Variants in INF2 observed in about 807,000 individuals in gnomAD.
INF2 encodes inverted formin 2.
A neutral mutation model predicts 123.5 loss-of-function variants in INF2; 43 were observed. The observed-to-expected ratio is 0.35, with a 90% CI of 0.27 to 0.45. The LOEUF (loss-of-function observed/expected upper bound fraction) is 0.45, where lower values mean the gene tolerates loss of function less well. INF2 is among the 20% of genes least tolerant of loss of function. INF2 has a pLI of 1.00. For missense variants in INF2, 1,453 were observed against 1,682.7 expected (o/e 0.86, Z 2.39); for synonymous variants, 851 against 745.0 (o/e 1.14, Z -2.32).
chr14:104,694,273 G>A (rs546299702), intron 1 of INF2, among the ~76,000 whole-genome samples: 2 of 152,380 alleles, frequency 1.3e-5, no homozygotes, highest in Admixed American at 1.3e-4. Flanking sequence ...TCCAGAATGG[G>A]CCTGGCTGTC....
intron 1 of INF2, among the ~76,000 whole-genome samples, chr14:104,696,680 G>A (rs753958508): frequency 3.3e-5 from 5 of 152,136 alleles, no homozygotes; most frequent in African/African-American, 9.7e-5. Context: ...TGCCAGGAAC[G>A]CGTGCAGTCC....
chr14:104,719,692 C>G lies in INF2; in HGVS notation c.*899C>G, dbSNP rs1890477131. 7.0e-6 allele frequency: 1 copy of G among 142,636 alleles called. No homozygotes were observed. The highest frequency in any genetic ancestry group is 2.1e-4 in the South Asian group (1 of 4,804). 8.8% of individuals were successfully genotyped at this position (142,636 alleles called of 1,614,324 possible). A position where few individuals can be genotyped will look rare whatever the true frequency, so the allele number is the denominator to read the frequency against. On this transcript the variant is annotated 3_prime_UTR_variant, in exon 23 of 23. Coordinates refer to ENST00000392634, the MANE Select transcript of INF2 (RefSeq NM_022489.4). ...AAACATGGTGAGCGCTGGACAGGCC[C>G]CGTGTGAACACTCACTGTTGAGGGG...
At chr14:104,697,321 G>A (rs569002027) in intron 1 of INF2, among the ~76,000 whole-genome samples, 65 of 152,346 alleles carry the variant, frequency 4.3e-4, no homozygotes, top group African/African-American at 1.4e-3. Flanking sequence ...CAGGTCCCTC[G>A]CGTGCTGGGA....
In INF2 at chr14:104,709,665, A is replaced by G. The variant is rs1199797740; in HGVS notation, c.2098A>G (p.Ser700Gly). 1 of 1,612,714 alleles carries G rather than the reference A, an allele frequency of 6.2e-7. No homozygotes were observed. Among genetic ancestry groups the G allele is most frequent in the South Asian group, 1.1e-5 (1 of 91,092 alleles). Reference protein sequence around the residue: ...AFTEERAKLASADHFYLLLLA... With the variant: ...AFTEERAKLAGADHFYLLLLA... ...CACAGAGGAGCGAGCCAAGCTGGCCAGCGCCGACCACTTCTACCTCCTCCT... is the reference window on the plus strand; with the variant it reads ...CACAGAGGAGCGAGCCAAGCTGGCCGGCGCCGACCACTTCTACCTCCTCCT... Residue 700 changes from serine to glycine, a missense_variant, in exon 12 of 23, where the codon AGC becomes GGC. Transcript: ENST00000392634.
chr14:104,708,124 G>A, intron 8 of INF2, 122 bp downstream of exon 8: 2 of 1,461,360 alleles, frequency 1.4e-6, no homozygotes, highest in Admixed American at 3.8e-5. Flanking sequence ...GGCCAGGGCA[G>A]CCTGGCCCTT....
At chr14:104,717,360 G>A (rs1361207794) in intron 22 of INF2, among the ~76,000 whole-genome samples, 5 of 145,256 alleles carry the variant, frequency 3.4e-5, no homozygotes, top group East Asian at 2.1e-4. Context: ...GTGCGCTGCC[G>A]TCCTCCCAGT....
At chr14:104,710,219 G>A (rs1201301241) in intron 13 of INF2, 31 bp downstream of exon 13, 1 of 1,484,090 alleles carries the variant, frequency 6.7e-7, no homozygotes, top group Admixed American at 2.0e-5. Context: ...CACGTGTGCA[G>A]GAGGGACAGG....
intron 12 of INF2, 133 bp downstream of exon 12, chr14:104,709,838 C>T: frequency 1.2e-6 from 1 of 812,330 alleles, no homozygotes; most frequent in Non-Finnish European, 2.0e-6. Flanking sequence ...AGCAGCATTG[C>T]AGCGGTTGGG....
At chr14:104,715,578 C>T (rs1595181677) in intron 22 of INF2, 1 of 608,174 alleles carries the variant, frequency 1.6e-6, no homozygotes. Flanking sequence ...AACCTCAGTG[C>T]TGGCCCCGGG....
chr14:104,706,243 C>T (rs548931751), intron 6 of INF2, 67 bp downstream of exon 6: 1 of 1,486,432 alleles, frequency 6.7e-7, no homozygotes, highest in Admixed American at 2.0e-5. Context: ...GGTCCAGAGG[C>T]TGGGCCTGGA....
chr14:104,707,838 G>C lies in INF2; in HGVS notation c.1571G>C (p.Cys524Ser), dbSNP rs2140669651. The C allele has an allele frequency of 1.3e-6, 2 of 1,597,514 alleles. No individual in the cohort carries two copies. The highest frequency in any genetic ancestry group is 1.7e-6 in the Non-Finnish European group (2 of 1,175,456). Reference protein sequence around the residue: ...PPPPPPPLLPCTCSPPVAGGM... With the variant: ...PPPPPPPLLPSTCSPPVAGGM... ...CCACCCCCACCTCCACTACTGCCCTGCACCTGCAGCCCCCCCGTGGCGGGA... is the reference window on the plus strand; with the variant it reads ...CCACCCCCACCTCCACTACTGCCCTCCACCTGCAGCCCCCCCGTGGCGGGA... The change falls in exon 8 of 23, where the codon TGC becomes TCC. Residue 524 changes from cysteine (C) to serine (S), a missense_variant. This residue lies in a region of INF2 where 374 missense variants were observed against 303.7 expected (regional missense o/e 1.23). Transcript: ENST00000392634.
At chr14:104,705,292 C>G (rs1004185050) in intron 5 of INF2, among the ~76,000 whole-genome samples, 1 of 152,186 alleles carries the variant, frequency 6.6e-6, no homozygotes, top group African/African-American at 2.4e-5. Context: ...TGGCATGTGC[C>G]TGCAATCCCA....
chr14:104,686,693 C>G (rs1460188231), upstream of INF2, among the ~76,000 whole-genome samples: 1 of 152,136 alleles, frequency 6.6e-6, no homozygotes, highest in Non-Finnish European at 1.5e-5. Context: ...GGAAATGAAC[C>G]CATGGCCAGG....
At chr14:104,701,077 C>T (rs996815473) in intron 1 of INF2, among the ~76,000 whole-genome samples, 5 of 152,162 alleles carry the variant, frequency 3.3e-5, no homozygotes, top group African/African-American at 4.8e-5. Context: ...GTTTCTGAGC[C>T]GGCTCCTCCC....
In INF2 at chr14:104,703,334, A is replaced by C. The variant is rs1312537060; in HGVS notation, c.547A>C (p.Asn183His). The C allele has an allele frequency of 6.2e-7, 1 of 1,613,094 alleles. No individual in the cohort carries two copies. Among genetic ancestry groups the C allele is most frequent in the Non-Finnish European group, 8.5e-7 (1 of 1,179,920 alleles). ...SQQYRFSIVM[N>H]ELSGSDNVPY... ...GCAGTACCGCTTCAGCATTGTCATGAACGAGCTCTCCGGCAGCGACAACGT... is the reference window on the plus strand; with the variant it reads ...GCAGTACCGCTTCAGCATTGTCATGCACGAGCTCTCCGGCAGCGACAACGT... Residue 183 changes from asparagine (N) to histidine (H), a missense_variant, in exon 4 of 23, where the codon AAC becomes CAC. Physicochemically the swap from Asn to His is moderately conservative, Grantham distance 68. This residue lies in a region of INF2 where 251 missense variants were observed against 349.4 expected (regional missense o/e 0.72). Coordinates refer to ENST00000392634, the MANE Select transcript of INF2 (RefSeq NM_022489.4).
intron 1 of INF2, among the ~76,000 whole-genome samples, chr14:104,696,930 G>A (rs56268547): frequency 6.6e-6 from 1 of 152,072 alleles, no homozygotes; most frequent in East Asian, 1.9e-4. Flanking sequence ...CCCACTCCCA[G>A]GCAGCAGCCC....
rs771419031 is a variant in INF2, at chr14:104,707,365, G to C, written c.1098G>C (p.Gln366His). 4 of 1,596,428 alleles carry C rather than the reference G, an allele frequency of 2.5e-6. No homozygotes were observed. The highest frequency in any genetic ancestry group is 2.3e-5 in the East Asian group (1 of 43,788). Reference sequence around the variant, plus strand: ...AAAGCGTCCAGGCCAACCTAGACCAGAGCCAGAGGGGCAGCTCCCCGCAAA... The same window carrying C: ...AAAGCGTCCAGGCCAACCTAGACCACAGCCAGAGGGGCAGCTCCCCGCAAA... ...AHKSVQANLD[Q>H]SQRGSSPQNT... Residue 366 changes from glutamine (Q) to histidine (H), a missense_variant, in exon 8 of 23, where the codon CAG becomes CAC. Gln to His is a conservative substitution (Grantham distance 24, BLOSUM62 0). Transcript: ENST00000392634.
chr14:104,689,590 T>TCC, upstream of INF2: 6 of 646,936 alleles, frequency 9.3e-6, no homozygotes, highest in Non-Finnish European at 1.1e-5. Context: ...CTCCTCTTCC[T>TCC]CCCGCCCGCC....
intron 22 of INF2, among the ~76,000 whole-genome samples, chr14:104,718,445 A>C (rs1371647407): frequency 2.0e-5 from 3 of 149,748 alleles, no homozygotes; most frequent in Admixed American, 2.0e-4. Flanking sequence ...GGAGGGCTGC[A>C]GGGGGTGGCA....
Sources: allele counts gnomAD v4.1 joint callset (sites outside exome capture counted in the v4.1 genomes callset), GRCh38; gene constraint gnomAD v4.1.1; regional missense constraint gnomAD v4.1.1; transcripts MANE v1.5; gene names NCBI Gene and HGNC (gene_info 2026-07-23, HGNC 2026-07-21).